THRAP3: variants seen among roughly 807,000 people sequenced by gnomAD.
The protein encoded by THRAP3 is thyroid hormone receptor associated protein 3.
Under a neutral mutation model 101.0 loss-of-function variants are expected in THRAP3, and 16 were observed. The ratio of observed to expected loss-of-function variants is 0.16; its 90% confidence interval spans 0.11 to 0.24. The LOEUF (loss-of-function observed/expected upper bound fraction) is 0.24, where lower values mean the gene tolerates loss of function less well. Among genes scored for constraint, THRAP3 ranks in the 10% least tolerant of loss-of-function variants. The pLI is 1.00. For missense variants in THRAP3, 989 were observed against 1,202.7 expected (o/e 0.82, Z 2.63); for synonymous variants, 407 against 422.6 (o/e 0.96, Z 0.45).
intron 2 of THRAP3, among the ~76,000 whole-genome samples, chr1:36,266,415 G>A (rs1236197348): frequency 6.6e-6 from 1 of 152,134 alleles, no homozygotes; most frequent in East Asian, 1.9e-4. Flanking sequence ...CCCTCTGCCT[G>A]CTGTATTTTG....
intron 1 of THRAP3, among the ~76,000 whole-genome samples, chr1:36,245,789 T>A (rs868193594): frequency 1.6e-4 from 24 of 152,218 alleles, no homozygotes; most frequent in Non-Finnish European, 5.9e-5. Flanking sequence ...TAATAGCCCT[T>A]GAACAGTTAT....
chr1:36,268,042 T>A (rs1033346792), intron 2 of THRAP3, among the ~76,000 whole-genome samples: 1 of 151,616 alleles, frequency 6.6e-6, no homozygotes, highest in African/African-American at 2.4e-5. Flanking sequence ...TAGTTGGGTG[T>A]GGTAGCACGC....
intron 1 of THRAP3, among the ~76,000 whole-genome samples, chr1:36,231,606 G>A (rs1341315515): frequency 1.3e-5 from 2 of 151,864 alleles, no homozygotes. Context: ...TGATTTTTTT[G>A]TGTGTATGTG....
intron 9 of THRAP3, among the ~76,000 whole-genome samples, chr1:36,299,910 T>A (rs573745204): frequency 1.3e-5 from 2 of 152,248 alleles, no homozygotes; most frequent in South Asian, 4.1e-4. Context: ...GATTTCCCCT[T>A]TGTATGAATA....
At chr1:36,263,386 T>C (rs1471541069) in intron 2 of THRAP3, among the ~76,000 whole-genome samples, 2 of 152,154 alleles carry the variant, frequency 1.3e-5, no homozygotes, top group African/African-American at 4.8e-5. Flanking sequence ...AGGGGTGAGC[T>C]ACTGCACCTG....
intron 1 of THRAP3, among the ~76,000 whole-genome samples, chr1:36,255,643 C>T (rs1012336495): frequency 6.7e-6 from 1 of 149,126 alleles, no homozygotes; most frequent in Non-Finnish European, 1.5e-5. Context: ...TGTGGTTGTG[C>T]ATGCCTGTAA....
intron 8 of THRAP3, among the ~76,000 whole-genome samples, chr1:36,294,574 A>G (rs1010995871): frequency 3.3e-5 from 5 of 152,210 alleles, no homozygotes; most frequent in African/African-American, 1.2e-4. Context: ...ATCTTCATTC[A>G]CATATACAGT....
rs188680117 is a variant in THRAP3, at chr1:36,288,186, C to T, written c.1041-874C>T. On this transcript the variant is annotated intron_variant, in intron 4 of 11. Transcript: ENST00000354618. ...TTATTTATTTCAATAGGTTTTTGGG[C>T]GAATAGGTGGTGTTTGGTTACATGG... The T allele has an allele frequency of 4.9e-3, 4,560 of 929,544 alleles. 17 individuals are homozygous for T. Among genetic ancestry groups the T allele is most frequent in the Non-Finnish European group, 5.6e-3 (4,355 of 779,574 alleles). 57.6% of individuals were successfully genotyped at this position (929,544 alleles called of 1,614,324 possible).
chr1:36,236,642 G>A (rs546633349), intron 1 of THRAP3, among the ~76,000 whole-genome samples: 2 of 152,258 alleles, frequency 1.3e-5, no homozygotes, highest in East Asian at 1.9e-4. Flanking sequence ...TGCCGGGGCC[G>A]GCTAGTACAT....
intron 7 of THRAP3, among the ~76,000 whole-genome samples, chr1:36,292,918 A>G (rs1645895248): frequency 6.6e-6 from 1 of 152,160 alleles, no homozygotes; most frequent in South Asian, 2.1e-4. Context: ...GCCTGAGGAA[A>G]ACAGCTCTCT....
chr1:36,209,767 T>A, the THRAP3 span, among the ~76,000 whole-genome samples: 73 of 152,330 alleles, frequency 4.8e-4, no homozygotes, highest in African/African-American at 1.7e-3. Flanking sequence ...GACCTTTGAC[T>A]TTCCTGGGAA....
At chr1:36,252,925 G>A in intron 1 of THRAP3, among the ~76,000 whole-genome samples, 1 of 50,608 alleles carries the variant, frequency 2.0e-5, no homozygotes, top group Non-Finnish European at 3.9e-5. Context: ...TATATAGATA[G>A]GCATATATAT....
At position 36,258,408 on chromosome 1, in the gene THRAP3, C is replaced by T. The variant is rs187822295; in HGVS notation, c.-134-974C>T. ...CTTACATTAATAAAGAAACACATAC[C>T]GACATTGTTATTTGGTAAAGGATCT... On this transcript the variant is annotated intron_variant, in intron 1 of 11. Transcript: ENST00000354618. 8.5e-5 allele frequency among the ~76,000 whole-genome samples: 13 copies of T among 152,208 alleles called. No homozygotes were observed. The East Asian group carries it at 1.7e-3, about 20-fold the overall frequency.
At chr1:36,252,725 C>T (rs752608297) in intron 1 of THRAP3, among the ~76,000 whole-genome samples, 5 of 151,368 alleles carry the variant, frequency 3.3e-5, no homozygotes, top group Non-Finnish European at 7.4e-5. Context: ...GCCAACATGA[C>T]GAAACCCTGT....
chr1:36,257,532 C>T (rs1448065199), intron 1 of THRAP3, among the ~76,000 whole-genome samples: 1 of 152,172 alleles, frequency 6.6e-6, no homozygotes, highest in African/African-American at 2.4e-5. Context: ...ATGCCTGTGG[C>T]TGGCCAGATG....
At chr1:36,221,778 G>C (rs1228642311), upstream of THRAP3, among the ~76,000 whole-genome samples, 1 of 148,288 alleles carries the variant, frequency 6.7e-6, no homozygotes, top group Non-Finnish European at 1.5e-5. Flanking sequence ...TAGCGACGGA[G>C]TTTCACCGTG....
At position 36,286,267 on chromosome 1, in the gene THRAP3, G is replaced by C. The variant is rs1206533945; in HGVS notation, c.138-101G>C. On this transcript the variant is annotated intron_variant, in intron 3 of 11. Transcript: ENST00000354618. The surrounding 1 kb of genome is among the most constrained non-coding windows in gnomAD (Gnocchi z 5.5). ...CCTTGCTTTGAAAACAAAACTGAAA[G>C]TGAATGACACATAAGGGCAGGGATT... The C allele has an allele frequency of 1.6e-6, 2 of 1,242,618 alleles. No homozygotes were observed. The highest frequency in any genetic ancestry group is 3.0e-5 in the African/African-American group (2 of 65,982). The allele number at this position is 1,242,618 out of a possible 1,614,324, so 77.0% of individuals were successfully genotyped here.
intron 1 of THRAP3, among the ~76,000 whole-genome samples, chr1:36,239,296 A>G (rs1468265271): frequency 5.5e-5 from 6 of 108,304 alleles, no homozygotes; most frequent in Admixed American, 5.5e-4. Flanking sequence ...TTCTCGCTCT[A>G]TTACCCGGGC....
intron 2 of THRAP3, among the ~76,000 whole-genome samples, chr1:36,270,701 C>A (rs1197711325): frequency 1.3e-5 from 2 of 151,142 alleles, no homozygotes; most frequent in Non-Finnish European, 2.9e-5. Context: ...CCTTAGCCTC[C>A]TGAGTAGCTG....
Sources: allele counts gnomAD v4.1 joint callset (sites outside exome capture counted in the v4.1 genomes callset), GRCh38; gene constraint gnomAD v4.1.1; non-coding constraint Gnocchi (gnomAD v3.1); transcripts MANE v1.5; gene names NCBI Gene and HGNC (gene_info 2026-07-23, HGNC 2026-07-21).